The following CTNND2 variants were observed in gnomAD, a reference collection of about 807,000 sequenced individuals.
CTNND2 encodes catenin delta 2.
Under a neutral mutation model 144.4 loss-of-function variants are expected in CTNND2, and 22 were observed. The observed-to-expected ratio is 0.15, with a 90% CI of 0.11 to 0.22. CTNND2 has a LOEUF of 0.22. Among genes scored for constraint, CTNND2 ranks in the 10% least tolerant of loss-of-function variants. The pLI is 1.00. For synonymous variants in CTNND2, 751 were observed against 695.6 expected (o/e 1.08, Z -1.25); for missense variants, 1,353 against 1,618.8 (o/e 0.84, Z 2.82).
intron 18 of CTNND2, among the ~76,000 whole-genome samples, chr5:11,015,229 GATGA>G (rs1466520928): frequency 6.6e-6 from 1 of 152,146 alleles, no homozygotes; most frequent in African/African-American, 2.4e-5. Flanking sequence ...AATTCATAAA[GATGA>G]ATGAATTTGG....
chr5:11,044,024 A>G (rs1208917046), intron 16 of CTNND2, among the ~76,000 whole-genome samples: 1 of 152,174 alleles, frequency 6.6e-6, no homozygotes, highest in East Asian at 1.9e-4. Context: ...CTTGGCTGAG[A>G]GTAACTGGCC....
intron 2 of CTNND2, among the ~76,000 whole-genome samples, chr5:11,577,490 C>A (rs953314715): frequency 7.2e-5 from 11 of 152,166 alleles, no homozygotes; most frequent in African/African-American, 2.7e-4. Flanking sequence ...ACGTCACATG[C>A]AGGAACTAGT....
chr5:11,562,988 C>G (rs1169217101), intron 3 of CTNND2, among the ~76,000 whole-genome samples: 1 of 152,222 alleles, frequency 6.6e-6, no homozygotes, highest in Non-Finnish European at 1.5e-5. Context: ...GAGTCCTCCA[C>G]TAGCACACAA....
At chr5:11,288,805 A>G (rs1261839650) in intron 9 of CTNND2, among the ~76,000 whole-genome samples, 1 of 150,958 alleles carries the variant, frequency 6.6e-6, no homozygotes, top group East Asian at 1.9e-4. Context: ...CTATGATGAG[A>G]AAAAAAAAGA....
chr5:11,306,136 GAGA>G (rs1433657017), intron 9 of CTNND2, among the ~76,000 whole-genome samples: 1 of 152,204 alleles, frequency 6.6e-6, no homozygotes, highest in Non-Finnish European at 1.5e-5. Context: ...TCTTTGCTGT[GAGA>G]AGAACTGATT....
chr5:11,793,112 A>AT (rs2126872118), intron 1 of CTNND2, among the ~76,000 whole-genome samples: 1 of 152,340 alleles, frequency 6.6e-6, no homozygotes, highest in East Asian at 1.9e-4. Flanking sequence ...CAGATAAAGA[A>AT]TTTGACAAAT....
intron 1 of CTNND2, among the ~76,000 whole-genome samples, chr5:11,801,164 G>A (rs1791660123): frequency 6.6e-6 from 1 of 152,168 alleles, no homozygotes; most frequent in African/African-American, 2.4e-5. Context: ...GAGTTAAATA[G>A]CACACTGGCA....
At chr5:11,662,155 ATG>A (rs1306461037) in intron 2 of CTNND2, among the ~76,000 whole-genome samples, 7 of 143,652 alleles carry the variant, frequency 4.9e-5, no homozygotes, top group Non-Finnish European at 9.0e-5. Flanking sequence ...ACACATATAT[ATG>A]TGTATATATG....
intron 1 of CTNND2, among the ~76,000 whole-genome samples, chr5:11,808,887 T>C (rs1249530729): frequency 6.6e-6 from 1 of 152,154 alleles, no homozygotes; most frequent in Admixed American, 6.5e-5. Context: ...TATTGACAAC[T>C]GCAGACAAAA....
chr5:11,427,423 G>A (rs897730895), intron 3 of CTNND2, among the ~76,000 whole-genome samples: 13 of 151,712 alleles, frequency 8.6e-5, no homozygotes, highest in Middle Eastern at 3.2e-3. Flanking sequence ...GACTACAGGC[G>A]TGCACTGCCA....
chr5:11,370,472 G>A (rs1757370016), intron 7 of CTNND2, among the ~76,000 whole-genome samples: 2 of 152,110 alleles, frequency 1.3e-5, no homozygotes, highest in South Asian at 4.1e-4. Flanking sequence ...CATCTAATGT[G>A]TTACACCTTC....
At chr5:11,821,948 A>G (rs1289505147) in intron 1 of CTNND2, among the ~76,000 whole-genome samples, 1 of 152,204 alleles carries the variant, frequency 6.6e-6, no homozygotes, top group Non-Finnish European at 1.5e-5. Flanking sequence ...CATTCAGTTC[A>G]GTAAGGATGC....
intron 1 of CTNND2, among the ~76,000 whole-genome samples, chr5:11,737,885 G>C (rs952916065): frequency 1.3e-5 from 2 of 152,244 alleles, no homozygotes; most frequent in Non-Finnish European, 2.9e-5. Context: ...GCGGGGAAGA[G>C]AGGTGGCCTA....
At position 11,720,476 on chromosome 5, in the gene CTNND2, A is replaced by G. The variant is rs931229633; in HGVS notation, c.174+11660T>C. On this transcript the variant is annotated intron_variant, in intron 2 of 21. Transcript: ENST00000304623. ...TTCTCAGTTGTACAACAGTTATTGA[A>G]CAAAAGTTTGGTTCTTCTTTTGCAT... 6.6e-5 allele frequency among the ~76,000 whole-genome samples: 10 copies of G among 152,140 alleles called. No individual in the cohort carries two copies. The East Asian group carries it at 1.9e-3, about 29-fold the overall frequency.
At chr5:11,084,916 C>G (rs1381753265) in intron 15 of CTNND2, among the ~76,000 whole-genome samples, 1 of 152,154 alleles carries the variant, frequency 6.6e-6, no homozygotes, top group African/African-American at 2.4e-5. Flanking sequence ...TATACCCCCT[C>G]TACCATCATC....
chr5:11,851,639 G>A (rs1278754241), intron 1 of CTNND2, among the ~76,000 whole-genome samples: 2 of 152,182 alleles, frequency 1.3e-5, no homozygotes, highest in African/African-American at 4.8e-5. Context: ...GCTGGATTCC[G>A]CCTGTAGTAC....
intron 1 of CTNND2, among the ~76,000 whole-genome samples, chr5:11,854,441 T>G (rs941175058): frequency 6.6e-6 from 1 of 152,200 alleles, no homozygotes; most frequent in Non-Finnish European, 1.5e-5. Context: ...TAAAATTACC[T>G]AACACAGTAA....
rs1758831747 is a variant in CTNND2, at chr5:11,384,462, A to G, written c.1177+203T>C. 2 of 590,778 alleles carry G rather than the reference A, an allele frequency of 3.4e-6. No homozygotes were observed. The highest frequency in any genetic ancestry group is 1.9e-5 in the African/African-American group (1 of 53,574). 36.6% of individuals were successfully genotyped at this position (590,778 alleles called of 1,614,324 possible). On this transcript the variant is annotated intron_variant, in intron 7 of 21. Transcript: ENST00000304623. The surrounding 1 kb of genome is among the most constrained non-coding windows in gnomAD (Gnocchi z 5.2). Reference sequence around the variant, plus strand: ...TAGGTGTTAGAGATTGAGACACCACATTACTCCGGAAAAGAAGTCACTGAC... The same window carrying G: ...TAGGTGTTAGAGATTGAGACACCACGTTACTCCGGAAAAGAAGTCACTGAC...
intron 10 of CTNND2, among the ~76,000 whole-genome samples, chr5:11,203,551 G>A (rs1030841212): frequency 1.3e-5 from 2 of 152,120 alleles, no homozygotes; most frequent in South Asian, 4.2e-4. Flanking sequence ...CAAGCGATTC[G>A]CTTAGAAGAC....
Sources: gnomAD v4.1 joint callset for allele counts (sites outside exome capture counted in the v4.1 genomes callset) on GRCh38, gnomAD v4.1.1 for gene constraint, Gnocchi (gnomAD v3.1) non-coding constraint, MANE v1.5 for transcripts, NCBI Gene and HGNC (gene_info 2026-07-23, HGNC 2026-07-21) for gene names.